The following NLGN4X variants were observed in gnomAD, a reference collection of about 807,000 sequenced individuals.
The protein encoded by NLGN4X is neuroligin-4, X-linked.
In NLGN4X, 3 loss-of-function variants were observed where a neutral mutation model predicts 40.3. That is an observed-to-expected ratio of 0.07 (90% confidence interval 0.03 to 0.19). The LOEUF (loss-of-function observed/expected upper bound fraction) is 0.19, where lower values mean the gene tolerates loss of function less well. NLGN4X is among the 10% of genes least tolerant of loss of function. NLGN4X has a pLI of 1.00. For synonymous variants in NLGN4X, 270 were observed against 306.8 expected, an observed-to-expected ratio of 0.88 and a Z score of 1.25; for missense variants, 382 against 708.3, an observed-to-expected ratio of 0.54 and a Z score of 5.23.
chrX:6,097,792 T>C (rs757162316), intron 2 of NLGN4X, among the ~76,000 whole-genome samples: 28 of 110,693 alleles, frequency 2.5e-4, no homozygotes, highest in Middle Eastern at 4.6e-3. Flanking sequence ...CTCAGACCAA[T>C]CCAAACTCAG....
chrX:6,180,527 C>A (rs1451240686), intron 1 of NLGN4X, among the ~76,000 whole-genome samples: 3 of 111,959 alleles, frequency 2.7e-5, no homozygotes, highest in Non-Finnish European at 5.6e-5. Flanking sequence ...GTACATCCTG[C>A]AGAACCATGA....
chrX:5,984,845 T>C (rs190536223), intron 3 of NLGN4X, among the ~76,000 whole-genome samples: 1 of 112,280 alleles, frequency 8.9e-6, no homozygotes, highest in Non-Finnish European at 1.9e-5. Flanking sequence ...CAACAGCTTG[T>C]TAGCTCTGAA....
intron 4 of NLGN4X, among the ~76,000 whole-genome samples, chrX:5,906,973 G>T (rs750899425): frequency 4.5e-5 from 5 of 110,568 alleles, no homozygotes; most frequent in African/African-American, 1.6e-4. Context: ...CCAGCAACTC[G>T]GGAGGCTGAG....
intron 3 of NLGN4X, among the ~76,000 whole-genome samples, chrX:5,926,726 A>G (rs2033332159): frequency 9.2e-6 from 1 of 108,767 alleles, no homozygotes; most frequent in South Asian, 4.0e-4. Flanking sequence ...TTTGTTTTAT[A>G]CATACATACA....
intron 5 of NLGN4X, among the ~76,000 whole-genome samples, chrX:5,895,627 CTATAGA>C (rs956193954): frequency 1.6e-4 from 18 of 110,507 alleles, no homozygotes; most frequent in South Asian, 3.8e-4. Flanking sequence ...GTATATCTAT[CTATAGA>C]TATAGATATT....
chrX:5,991,480 T>C (rs2035682698), intron 3 of NLGN4X: 1 of 519,146 alleles, frequency 1.9e-6, no homozygotes, highest in South Asian at 2.5e-5. Context: ...CAGGTGCAGC[T>C]GACAACGATG....
chrX:6,153,078 T>C (rs1442401543), intron 1 of NLGN4X, among the ~76,000 whole-genome samples: 1 of 112,987 alleles, frequency 8.9e-6, no homozygotes, highest in African/African-American at 3.2e-5. Flanking sequence ...AGGGTGCCTT[T>C]AGCATGTTCT....
At chrX:6,132,339 C>A (rs1016816836) in intron 2 of NLGN4X, among the ~76,000 whole-genome samples, 1 of 111,528 alleles carries the variant, frequency 9.0e-6, no homozygotes, top group Non-Finnish European at 1.9e-5. Flanking sequence ...CCCTTGCCAG[C>A]TGAATCTAGA....
intron 3 of NLGN4X, among the ~76,000 whole-genome samples, chrX:5,929,462 A>G (rs2033462257): frequency 9.0e-6 from 1 of 111,605 alleles, no homozygotes; most frequent in African/African-American, 3.3e-5. Context: ...TGTCACACAC[A>G]CACACATACA....
chrX:6,114,013 G>A (rs1241519337), intron 2 of NLGN4X, among the ~76,000 whole-genome samples: 2 of 111,018 alleles, frequency 1.8e-5, no homozygotes, highest in Non-Finnish European at 3.8e-5. Context: ...TAGAGAGGGG[G>A]TTTCACCATG....
At position 5,923,622 on chromosome X, in the gene NLGN4X, A is replaced by G. The variant is rs539301924; in HGVS notation, c.626-14383T>C. ...CTTATGCAGGGAAACTCCCCTTTTT[A>G]AAACCATCAGATCTCATGAGACTTA... On this transcript the variant is annotated intron_variant, in intron 3 of 5. Transcript: ENST00000381095. Among the ~76,000 whole-genome samples, 4 of 111,757 alleles carry G rather than the reference A, an allele frequency of 3.6e-5. No homozygotes were observed. The South Asian group carries it at 1.5e-3, about 42-fold the overall frequency.
chrX:6,046,773 A>T (rs1312844491), intron 2 of NLGN4X, among the ~76,000 whole-genome samples: 1 of 109,484 alleles, frequency 9.1e-6, no homozygotes, highest in Non-Finnish European at 1.9e-5. Context: ...TTATCACATT[A>T]ATGTTATATA....
intron 2 of NLGN4X, among the ~76,000 whole-genome samples, chrX:6,072,324 CT>C (rs1680833056): frequency 9.0e-6 from 1 of 111,408 alleles, no homozygotes; most frequent in South Asian, 3.8e-4. Context: ...CCCCTGTTTT[CT>C]TAGCTGCCAT....
chrX:6,098,844 CAG>C (rs1005285458), intron 2 of NLGN4X, among the ~76,000 whole-genome samples: 21 of 112,384 alleles, frequency 1.9e-4, no homozygotes, highest in Admixed American at 1.8e-3. Flanking sequence ...ACAACTGGAT[CAG>C]AAACTTTGGA....
At chrX:6,042,685 TTA>T (rs749649054) in intron 2 of NLGN4X, among the ~76,000 whole-genome samples, 547 of 28,341 alleles carry the variant, frequency 0.019, 11 homozygotes, top group East Asian at 0.039. Context: ...CATAGAGGTT[TTA>T]TATATATATA....
chrX:6,024,072 T>C (rs931426647), intron 3 of NLGN4X, among the ~76,000 whole-genome samples: 3 of 112,390 alleles, frequency 2.7e-5, no homozygotes, highest in Non-Finnish European at 3.8e-5. Flanking sequence ...AGAGTATTTA[T>C]TGATTCAGTA....
intron 3 of NLGN4X, among the ~76,000 whole-genome samples, chrX:6,011,366 A>AATAT (rs10584166): frequency 2.9e-4 from 29 of 101,439 alleles, no homozygotes; most frequent in East Asian, 6.1e-4. Context: ...CAAATTCAGA[A>AATAT]ATATATATAT....
At chrX:6,027,033 C>T (rs1208035963) in intron 3 of NLGN4X, among the ~76,000 whole-genome samples, 1 of 111,707 alleles carries the variant, frequency 9.0e-6, no homozygotes. Context: ...ACGCATGCAA[C>T]AGAATATTGT....
chrX:5,994,758 G>A (rs916198961), intron 3 of NLGN4X, among the ~76,000 whole-genome samples: 1 of 112,014 alleles, frequency 8.9e-6, no homozygotes, highest in African/African-American at 3.2e-5. Flanking sequence ...CCTGTTTGCA[G>A]GCCACAACTG....
Sources: allele counts gnomAD v4.1 joint callset (sites outside exome capture counted in the v4.1 genomes callset), GRCh38; gene constraint gnomAD v4.1.1; transcripts MANE v1.5; gene names NCBI Gene and HGNC (gene_info 2026-07-23, HGNC 2026-07-21).